LOXHD1: variants seen among roughly 807,000 people sequenced by gnomAD.
LOXHD1 encodes lipoxygenase homology domain-containing protein 1.
In LOXHD1, 205 loss-of-function variants were observed where a neutral mutation model predicts 248.2. The ratio of observed to expected loss-of-function variants is 0.83; its 90% CI spans 0.74 to 0.93. The LOEUF is 0.93. Among genes scored for constraint, LOXHD1 ranks in the 40% least tolerant of loss-of-function variants. The pLI is 0.00. For synonymous variants in LOXHD1, 1,113 were observed against 1,162.8 expected, an observed-to-expected ratio of 0.96 and a Z score of 0.87; for missense variants, 2,930 against 2,971.6, an observed-to-expected ratio of 0.99 and a Z score of 0.33.
At chr18:46,533,440 T>A in intron 27 of LOXHD1, 116 bp from the exon 28 acceptor site, 1 of 1,147,348 alleles carries the variant, frequency 8.7e-7, no homozygotes, top group Non-Finnish European at 1.2e-6. Context: ...GCCCCATAAA[T>A]AATGTAAAAG....
At chr18:46,509,325 C>G (rs759560292) in intron 35 of LOXHD1, among the ~76,000 whole-genome samples, 3 of 152,150 alleles carry the variant, frequency 2.0e-5, no homozygotes, top group Admixed American at 2.0e-4. Flanking sequence ...TTTCTGCCAT[C>G]CTGCCTGAAG....
At chr18:46,512,609 G>T (rs773604332) in intron 34 of LOXHD1, among the ~76,000 whole-genome samples, 11 of 152,230 alleles carry the variant, frequency 7.2e-5, no homozygotes, top group Non-Finnish European at 1.0e-4. Flanking sequence ...CTACTGGGTG[G>T]TTCCATGCTT....
intron 12 of LOXHD1, among the ~76,000 whole-genome samples, chr18:46,589,172 C>T (rs1163645424): frequency 6.6e-6 from 1 of 152,176 alleles, no homozygotes; most frequent in African/African-American, 2.4e-5. Flanking sequence ...CAAAGTGTGT[C>T]TGCTACCCGG....
chr18:46,540,538 C>A (rs1376974891), intron 25 of LOXHD1, among the ~76,000 whole-genome samples: 7 of 152,098 alleles, frequency 4.6e-5, no homozygotes, highest in Non-Finnish European at 1.0e-4. Flanking sequence ...CTGAGACTGG[C>A]CAGCAGTAGG....
chr18:46,497,587 G>A (rs1302901807), intron 37 of LOXHD1, among the ~76,000 whole-genome samples: 2 of 152,110 alleles, frequency 1.3e-5, no homozygotes, highest in Admixed American at 6.5e-5. Flanking sequence ...GGAAAACTGA[G>A]TTCCCTATAA....
chr18:46,609,717 T>C (rs2038476065), intron 6 of LOXHD1, among the ~76,000 whole-genome samples: 1 of 152,210 alleles, frequency 6.6e-6, no homozygotes, highest in African/African-American at 2.4e-5. Context: ...GACTTCCCCT[T>C]ACTGTTCTCG....
At chr18:46,571,117 G>A (rs1045864805) in intron 15 of LOXHD1, among the ~76,000 whole-genome samples, 1 of 152,180 alleles carries the variant, frequency 6.6e-6, no homozygotes, top group Non-Finnish European at 1.5e-5. Flanking sequence ...TCTGAGACCA[G>A]AAATGGGACA....
chr18:46,655,142 C>T (rs1342634479), intron 1 of LOXHD1, among the ~76,000 whole-genome samples: 1 of 152,196 alleles, frequency 6.6e-6, no homozygotes, highest in African/African-American at 2.4e-5. Flanking sequence ...TATTTGGCAG[C>T]ATCATGAGAT....
chr18:46,642,549 CAAGA>C (rs950419485), intron 2 of LOXHD1, among the ~76,000 whole-genome samples: 4 of 152,192 alleles, frequency 2.6e-5, no homozygotes, highest in African/African-American at 9.7e-5. Context: ...GCCATTCCAA[CAAGA>C]AAGAAAACAC....
chr18:46,505,754 A>C (rs749991048), intron 37 of LOXHD1, 84 bp downstream of exon 37: 4 of 1,415,712 alleles, frequency 2.8e-6, no homozygotes, highest in Admixed American at 2.0e-5. Flanking sequence ...AATCAGAGTC[A>C]ATGTGCTGCC....
intron 28 of LOXHD1, among the ~76,000 whole-genome samples, chr18:46,532,439 G>A (rs1213549070): frequency 2.6e-5 from 4 of 152,150 alleles, no homozygotes; most frequent in African/African-American, 4.8e-5. Context: ...TAGAAAGAGA[G>A]GAGAAGAGAA....
At chr18:46,545,627 C>CTTTTTTTTTTTTTTTTTTTTTTTTTTTT (rs56323729) in intron 22 of LOXHD1, among the ~76,000 whole-genome samples, 7 of 92,244 alleles carry the variant, frequency 7.6e-5, no homozygotes, top group Admixed American at 1.1e-4. Flanking sequence ...TTGGCCATTT[C>CTTTTTTTTTTTTTTTTTTTTTTTTTTTT]TTTTTTTTTT....
chr18:46,606,891 C>T (rs560166294), intron 6 of LOXHD1, among the ~76,000 whole-genome samples: 5 of 152,172 alleles, frequency 3.3e-5, no homozygotes, highest in South Asian at 2.1e-4. Context: ...TGTAGCCAGG[C>T]GTGGTGGCTC....
In LOXHD1 at chr18:46,477,964, G is replaced by A; in HGVS notation, c.6342-12C>T. 1 of 1,543,662 alleles carries A rather than the reference G, an allele frequency of 6.5e-7. No individual in the cohort carries two copies. Among genetic ancestry groups the A allele is most frequent in the Non-Finnish European group, 8.8e-7 (1 of 1,141,108 alleles). On this transcript the variant is annotated splice_polypyrimidine_tract_variant and intron_variant, in intron 40 of 40. Transcript: ENST00000642948. ...AGTTAAAGAAGTACCTGGCAGAGAG[G>A]TGGGAGAGTGGAGGGGTAGGGGCTA...
chr18:46,613,419 A>C (rs560042008), intron 5 of LOXHD1, among the ~76,000 whole-genome samples: 1 of 152,206 alleles, frequency 6.6e-6, no homozygotes, highest in African/African-American at 2.4e-5. Flanking sequence ...ATATCCAGCA[A>C]CTTTAGTAAC....
At chr18:46,540,715 T>C (rs986031291) in intron 25 of LOXHD1, among the ~76,000 whole-genome samples, 1 of 136,984 alleles carries the variant, frequency 7.3e-6, no homozygotes, top group African/African-American at 2.7e-5. Context: ...GAGAAATGGA[T>C]ACGTTTGTCC....
chr18:46,495,474 T>C (rs1258698054), intron 37 of LOXHD1, among the ~76,000 whole-genome samples: 2 of 152,192 alleles, frequency 1.3e-5, no homozygotes, highest in Non-Finnish European at 2.9e-5. Context: ...CATCACTGGA[T>C]GAGTCCATTA....
intron 14 of LOXHD1, among the ~76,000 whole-genome samples, chr18:46,574,385 A>G: frequency 1.4e-5 from 2 of 143,038 alleles, no homozygotes; most frequent in Non-Finnish European, 3.0e-5. Context: ...GTGTGTGTAC[A>G]CATACACACA....
intron 39 of LOXHD1, among the ~76,000 whole-genome samples, chr18:46,484,251 T>G (rs1292265986): frequency 2.0e-5 from 3 of 152,038 alleles, no homozygotes; most frequent in African/African-American, 4.8e-5. Context: ...GGTAGAGATT[T>G]GAAGAAAAGG....
Sources: gnomAD v4.1 joint callset for allele counts (sites outside exome capture counted in the v4.1 genomes callset) on GRCh38, gnomAD v4.1.1 for gene constraint, MANE v1.5 for transcripts, NCBI Gene and HGNC (gene_info 2026-07-23, HGNC 2026-07-21) for gene names.